BMS1: variants seen among roughly 807,000 people sequenced by gnomAD.
The protein encoded by BMS1 is BMS1 ribosome biogenesis factor, also known as ribosome biogenesis protein BMS1 homolog.
In BMS1, 53 loss-of-function variants were observed where a neutral mutation model predicts 138.7. The observed-to-expected ratio is 0.38, with a 90% CI of 0.31 to 0.48. BMS1 has a LOEUF of 0.48. BMS1 is among the 20% of genes least tolerant of loss of function. BMS1 has a pLI of 0.97. For missense variants in BMS1, 1,360 were observed against 1,565.5 expected (o/e 0.87, Z 2.22); for synonymous variants, 504 against 539.9 (o/e 0.93, Z 0.92).
intron 6 of BMS1, 84 bp downstream of exon 6, chr10:42,791,853 A>T: frequency 6.8e-7 from 1 of 1,478,228 alleles, no homozygotes; most frequent in Non-Finnish European, 9.1e-7. Context: ...GATAGGATTT[A>T]TTTTGTGCCG....
intron 18 of BMS1, among the ~76,000 whole-genome samples, chr10:42,821,800 G>A (rs1472506932): frequency 6.6e-6 from 1 of 152,016 alleles, no homozygotes; most frequent in Non-Finnish European, 1.5e-5. Context: ...TGATCCACCC[G>A]CCTTGGCCTC....
chr10:42,798,395 A>G (rs1841760277), intron 11 of BMS1, 73 bp from the exon 12 acceptor site: 7 of 1,578,586 alleles, frequency 4.4e-6, no homozygotes, highest in Non-Finnish European at 6.1e-6. Context: ...TCATGGCCTA[A>G]CTGGTTGAAA....
intron 12 of BMS1, 90 bp from the exon 13 acceptor site, chr10:42,802,047 A>T: frequency 1.1e-6 from 1 of 943,656 alleles, no homozygotes; most frequent in Non-Finnish European, 1.6e-6. Context: ...GGAAATATTT[A>T]AAGGCAAGTT....
intron 12 of BMS1, among the ~76,000 whole-genome samples, chr10:42,799,186 T>G (rs905875311): frequency 3.2e-4 from 49 of 152,164 alleles, no homozygotes; most frequent in African/African-American, 1.1e-3. Context: ...TATGGCTCAA[T>G]GCAGCCACGA....
At chr10:42,806,737 G>GAAAAAAA (rs35466848) in intron 13 of BMS1, among the ~76,000 whole-genome samples, 1 of 99,410 alleles carries the variant, frequency 1.0e-5, no homozygotes, top group Non-Finnish European at 2.1e-5. Context: ...TCCGTCTCAG[G>GAAAAAAA]AAAAAAAAAA....
At chr10:42,827,577 T>A (rs1476178577) in intron 21 of BMS1, among the ~76,000 whole-genome samples, 1 of 152,014 alleles carries the variant, frequency 6.6e-6, no homozygotes, top group East Asian at 1.9e-4. Context: ...CTGAGGGGAG[T>A]GCTGGGGCTG....
At chr10:42,822,223 A>T (rs762780169) in intron 19 of BMS1, 39 bp downstream of exon 19, 2 of 1,176,468 alleles carry the variant, frequency 1.7e-6, no homozygotes, top group African/African-American at 1.5e-5. Flanking sequence ...ATAAATGTCC[A>T]TATTGTTTGA....
At chr10:42,813,727 A>AT (rs1227710104) in intron 13 of BMS1, among the ~76,000 whole-genome samples, 1 of 151,532 alleles carries the variant, frequency 6.6e-6, no homozygotes, top group African/African-American at 2.4e-5. Flanking sequence ...TTTTATTTTG[A>AT]TTTTTTTGTT....
At chr10:42,786,315 G>T (rs1208396675) in intron 3 of BMS1, among the ~76,000 whole-genome samples, 1 of 152,218 alleles carries the variant, frequency 6.6e-6, no homozygotes, top group African/African-American at 2.4e-5. Context: ...GAGGGAAAAT[G>T]AAACAAACTT....
Position 42,830,469 on chromosome 10 carries a change from G to T in BMS1, c.3618+47G>T, listed in dbSNP as rs999999077. The T allele has an allele frequency of 5.1e-6, 8 of 1,565,142 alleles. No individual in the cohort carries two copies. In the Admixed American group the frequency reaches 8.5e-5, roughly 17 times the overall value. ...TGCACGCTGCGTTTAGATAGGAAAA[G>T]AACACTCTCAATAGCACACTTCCTG... On this transcript the variant is annotated intron_variant, in intron 22 of 22. Transcript: ENST00000374518.
At chr10:42,787,938 A>G (rs914877241) in intron 4 of BMS1, among the ~76,000 whole-genome samples, 2 of 152,202 alleles carry the variant, frequency 1.3e-5, no homozygotes, top group African/African-American at 4.8e-5. Flanking sequence ...ATTAGCAAAA[A>G]TAAAATACAA....
Position 42,797,011 on chromosome 10 carries a change from A to G in BMS1, c.1767A>G (p.Ala589=). Residue 589 remains alanine (A), a synonymous_variant, in exon 10 of 23, where the codon GCA becomes GCG. Coordinates refer to ENST00000374518, the MANE Select transcript of BMS1 (RefSeq NM_014753.4). ...ATTGCACAGCTGAAGAGGTGTTTGCATCTGAAGATGAATCTGAAGAAAGCT... is the reference window on the plus strand; with the variant it reads ...ATTGCACAGCTGAAGAGGTGTTTGCGTCTGAAGATGAATCTGAAGAAAGCT... ...SGHCTAEEVF[A]SEDESEESSS... 6.2e-7 allele frequency: 1 copy of G among 1,614,194 alleles called. No homozygotes were observed. Among genetic ancestry groups the G allele is most frequent in the South Asian group, 1.1e-5 (1 of 91,078 alleles).
In BMS1 at chr10:42,823,807, T is replaced by C. The variant is rs374565905; in HGVS notation, c.3456+23T>C. The stretch of plus-strand genomic sequence containing the variant: ...AAGGTACTGGTCGCGTGTGTGTTAG[T>C]GGAGATGAAGCCTGTGCTCTACAGA... On this transcript the variant is annotated intron_variant, in intron 21 of 22. Transcript: ENST00000374518. The C allele has an allele frequency of 4.0e-4, 602 of 1,516,382 alleles. 1 individual carries two copies. The African/African-American group carries it at 7.5e-3, about 19-fold the overall frequency. 93.9% of individuals were successfully genotyped at this position (1,516,382 alleles called of 1,614,324 possible).
chr10:42,791,236 C>T (rs570814233), intron 5 of BMS1, among the ~76,000 whole-genome samples: 53 of 152,296 alleles, frequency 3.5e-4, no homozygotes, highest in African/African-American at 1.2e-3. Flanking sequence ...TCTCTCTGTA[C>T]CTGCTGCACC....
At chr10:42,807,182 C>G (rs962396087) in intron 13 of BMS1, among the ~76,000 whole-genome samples, 1 of 152,146 alleles carries the variant, frequency 6.6e-6, no homozygotes, top group Non-Finnish European at 1.5e-5. Flanking sequence ...ATAAACACAC[C>G]CACGTCCCTG....
chr10:42,818,304 C>T (rs1321134166), intron 15 of BMS1, among the ~76,000 whole-genome samples: 1 of 152,224 alleles, frequency 6.6e-6, no homozygotes, highest in Non-Finnish European at 1.5e-5. Context: ...TTGCTTCACA[C>T]CATTTACAAT....
chr10:42,783,741 G>A (rs374926874), intron 1 of BMS1, among the ~76,000 whole-genome samples: 3 of 152,060 alleles, frequency 2.0e-5, no homozygotes, highest in South Asian at 2.1e-4. Context: ...TATCTCACAC[G>A]TACAGCTATT....
intron 21 of BMS1, among the ~76,000 whole-genome samples, chr10:42,825,392 G>A (rs541452348): frequency 5.3e-5 from 8 of 152,306 alleles, no homozygotes; most frequent in African/African-American, 1.7e-4. Context: ...TTTGGGTAGC[G>A]TGAACATTTT....
Position 42,831,106 on chromosome 10 carries a change from C to A in BMS1, c.*10C>A. The A allele has an allele frequency of 1.3e-6, 2 of 1,553,624 alleles. No homozygotes were observed. Among genetic ancestry groups the A allele is most frequent in the African/African-American group, 1.4e-5 (1 of 73,330 alleles). On this transcript the variant is annotated 3_prime_UTR_variant, in exon 23 of 23. Coordinates refer to ENST00000374518, the MANE Select transcript of BMS1 (RefSeq NM_014753.4). ...GGGCCAATTGCAGTGAGCCTTTGGACTGGAGGGACTGTCCCTGGATCTGCG... is the reference window on the plus strand; with the variant it reads ...GGGCCAATTGCAGTGAGCCTTTGGAATGGAGGGACTGTCCCTGGATCTGCG...
Sources: gnomAD v4.1 joint callset for allele counts (sites outside exome capture counted in the v4.1 genomes callset) on GRCh38, gnomAD v4.1.1 for gene constraint, MANE v1.5 for transcripts, NCBI Gene and HGNC (gene_info 2026-07-23, HGNC 2026-07-21) for gene names.